PDZD9: variants seen among roughly 807,000 people sequenced by gnomAD.
The protein encoded by PDZD9 is PDZ domain containing 9, also known as PDZ domain-containing protein 9.
Under a neutral mutation model 16.3 loss-of-function variants are expected in PDZD9, and 13 were observed. The observed-to-expected ratio is 0.80, with a 90% CI of 0.52 to 1.27. PDZD9 has a LOEUF of 1.27. Among genes scored for constraint, PDZD9 ranks in the 50% most tolerant of loss-of-function variants. The probability of loss-of-function intolerance (pLI) is 0.00; values close to 1 mark genes in which losing one functional copy is unlikely to be tolerated. For missense variants in PDZD9, 288 were observed against 310.9 expected (o/e 0.93, Z 0.55); for synonymous variants, 120 against 111.0 (o/e 1.08, Z -0.51).
In PDZD9 at chr16:21,988,651, A is replaced by G. The variant is rs1301584931; in HGVS notation, c.352T>C (p.Trp118Arg). 2.0e-5 allele frequency: 33 copies of G among 1,613,192 alleles called. No individual in the cohort carries two copies. The South Asian group carries it at 3.2e-4, about 16-fold the overall frequency. Residue 118 changes from tryptophan to arginine, a missense_variant, in exon 3 of 4, where the codon TGG (tryptophan) becomes CGG (arginine). Transcript: ENST00000424898. ...YRDFINIPEE[W>R]QEIYDLIPEA... ...GGGATTAAATCATATATTTCTTGCC[A>G]TTCTTCAGGAATGTTAATAAAATCT...
the PDZD9 span, chr16:21,958,567 C>G: frequency 6.2e-7 from 1 of 1,612,096 alleles, no homozygotes; most frequent in Non-Finnish European, 8.5e-7. Flanking sequence ...TCAAGATAAC[C>G]CGTGGAATTG....
intron 1 of PDZD9, among the ~76,000 whole-genome samples, chr16:21,997,062 A>G (rs560253759): frequency 2.0e-5 from 3 of 151,810 alleles, no homozygotes; most frequent in Admixed American, 2.0e-4. Context: ...GACTCAAGCA[A>G]TCCTCCCACC....
intron 2 of PDZD9, among the ~76,000 whole-genome samples, chr16:21,994,366 G>GT (rs1166757966): frequency 6.6e-6 from 1 of 152,188 alleles, no homozygotes; most frequent in East Asian, 1.9e-4. Flanking sequence ...CTAACACAAT[G>GT]TTTTTTCTTT....
chr16:21,974,623 CAAGT>C, the PDZD9 span, among the ~76,000 whole-genome samples: 41 of 152,170 alleles, frequency 2.7e-4, 1 homozygote, highest in African/African-American at 3.1e-4. Flanking sequence ...GAATGAATGA[CAAGT>C]AAGAAATGAG....
chr16:21,990,388 G>T lies in PDZD9; in HGVS notation c.212-1597C>A, dbSNP rs1898993839. On this transcript the variant is annotated intron_variant, in intron 2 of 3. Transcript: ENST00000424898. ...CTGGGCTTCAATCAGGAATTACACT[G>T]ATCCCAAAAGAAGCCTCTAAGGATG... Among the ~76,000 whole-genome samples, 3 of 152,134 alleles carry T rather than the reference G, an allele frequency of 2.0e-5. No homozygotes were observed. In the South Asian group the frequency reaches 6.2e-4, roughly 32 times the overall value.
At chr16:21,968,687 T>G in the PDZD9 span, 1 of 1,608,816 alleles carries the variant, frequency 6.2e-7, no homozygotes, top group Non-Finnish European at 8.5e-7. Flanking sequence ...TTGGACTTGG[T>G]AAGTTTAGAG....
At chr16:21,974,145 C>T in the PDZD9 span, among the ~76,000 whole-genome samples, 14 of 152,194 alleles carry the variant, frequency 9.2e-5, no homozygotes, top group Non-Finnish European at 2.9e-5. Context: ...GAAATTTACA[C>T]ATGTATACTA....
intron 3 of PDZD9, among the ~76,000 whole-genome samples, chr16:21,986,262 A>G (rs1004877609): frequency 8.5e-5 from 13 of 152,172 alleles, no homozygotes; most frequent in African/African-American, 2.9e-4. Context: ...TGCCTCAGAT[A>G]TGGGTACTTT....
chr16:21,958,531 C>G, the PDZD9 span: 4 of 1,611,234 alleles, frequency 2.5e-6, no homozygotes, highest in South Asian at 3.3e-5. Flanking sequence ...CTTTCTTTTT[C>G]AAGACGACAA....
At chr16:21,997,525 GATGAA>G (rs1337958722) in intron 1 of PDZD9, among the ~76,000 whole-genome samples, 16 of 152,192 alleles carry the variant, frequency 1.1e-4, no homozygotes, top group Admixed American at 8.5e-4. Context: ...GACATGGTTA[GATGAA>G]ATGAAATGAC....
downstream of PDZD9, chr16:21,983,150 A>G (rs1803308): frequency 9.9e-6 from 16 of 1,613,978 alleles, no homozygotes; most frequent in Non-Finnish European, 1.2e-5. Context: ...TGGGACATAC[A>G]CCTTTTGTTG....
At chr16:21,962,540 AC>A in the PDZD9 span, 4 of 1,613,998 alleles carry the variant, frequency 2.5e-6, no homozygotes, top group Non-Finnish European at 3.4e-6. Flanking sequence ...TGTGTTTAGG[AC>A]TTCTGCTTTG....
intron 2 of PDZD9, among the ~76,000 whole-genome samples, chr16:21,991,161 C>A (rs951510629): frequency 6.6e-6 from 1 of 152,176 alleles, no homozygotes; most frequent in Non-Finnish European, 1.5e-5. Context: ...TGTCTGCACA[C>A]ACCAGGCCTT....
chr16:21,996,354 C>G lies in PDZD9; in HGVS notation c.179G>C (p.Gly60Ala), dbSNP rs547286131. ...GAGTTTCCCGTCGTTGGCTGCAGCC[C>G]CCTTCCTGATGAGGTGGGTGATCTG... ...YLQITHLIRK[G>A]AAANDGKLQP... Residue 60 changes from glycine to alanine, a missense_variant, in exon 2 of 4, where the codon GGG becomes GCG. Coordinates refer to ENST00000424898, the MANE Select transcript of PDZD9 (RefSeq NM_001363519.1). The G allele has an allele frequency of 6.5e-7, 1 of 1,535,970 alleles. No individual in the cohort carries two copies. Among genetic ancestry groups the G allele is most frequent in the East Asian group, 2.4e-5 (1 of 40,916 alleles).
At chr16:21,987,236 G>A (rs980139945) in intron 3 of PDZD9, among the ~76,000 whole-genome samples, 14 of 152,018 alleles carry the variant, frequency 9.2e-5, no homozygotes, top group Non-Finnish European at 4.4e-5. Flanking sequence ...CCTGGCCAAC[G>A]TGGTGAAACT....
the PDZD9 span, among the ~76,000 whole-genome samples, chr16:21,970,311 GAACA>G: frequency 1.3e-5 from 2 of 152,158 alleles, no homozygotes; most frequent in Non-Finnish European, 2.9e-5. Context: ...TTATGTCTAA[GAACA>G]GAATTGCCAG....
intron 2 of PDZD9, 120 bp from the exon 3 acceptor site, chr16:21,988,911 C>CA: frequency 1.6e-6 from 1 of 642,780 alleles, no homozygotes; most frequent in Non-Finnish European, 2.4e-6. Flanking sequence ...CTTTTTGAAC[C>CA]AAAACCAGGC....
chr16:21,962,871 A>G, the PDZD9 span: 3 of 1,614,054 alleles, frequency 1.9e-6, no homozygotes, highest in Non-Finnish European at 2.5e-6. Flanking sequence ...GTGGCCTTTC[A>G]GAATCCGCAG....
At chr16:21,964,029 G>C in the PDZD9 span, among the ~76,000 whole-genome samples, 1 of 152,212 alleles carries the variant, frequency 6.6e-6, no homozygotes, top group South Asian at 2.1e-4. Flanking sequence ...TGACTCTTGG[G>C]AGTCATACAA....
Sources: allele counts gnomAD v4.1 joint callset (sites outside exome capture counted in the v4.1 genomes callset), GRCh38; gene constraint gnomAD v4.1.1; transcripts MANE v1.5; gene names NCBI Gene and HGNC (gene_info 2026-07-23, HGNC 2026-07-21).